The following CEP192 variants were observed in gnomAD, a reference collection of about 807,000 sequenced individuals.
CEP192 encodes the protein centrosomal protein 192.
In CEP192, 151 loss-of-function variants were observed where a neutral mutation model predicts 271.8. The ratio of observed to expected loss-of-function variants is 0.56; its 90% CI spans 0.49 to 0.64. CEP192 has a LOEUF of 0.64. Ranked by LOEUF, CEP192 falls within the 30% of genes least tolerant of loss-of-function variation. The probability of loss-of-function intolerance (pLI) is 0.00; values close to 1 mark genes in which losing one functional copy is unlikely to be tolerated. For missense variants in CEP192, 2,910 were observed against 3,020.5 expected, an observed-to-expected ratio of 0.96 and a Z score of 0.86; for synonymous variants, 995 against 1,076.5, an observed-to-expected ratio of 0.92 and a Z score of 1.48.
At chr18:13,067,998 C>A (rs755439003) in intron 22 of CEP192, 42 bp downstream of exon 22, 1 of 1,603,128 alleles carries the variant, frequency 6.2e-7, no homozygotes, top group East Asian at 2.2e-5. Context: ...ACAGAATGCA[C>A]TGATCTTATG....
chr18:13,089,700 C>A (rs2039055137), intron 33 of CEP192, 135 bp downstream of exon 33: 10 of 538,806 alleles, frequency 1.9e-5, no homozygotes, highest in Admixed American at 3.7e-5. Flanking sequence ...CACAGCCCTG[C>A]TGTATGAGTT....
intron 6 of CEP192, among the ~76,000 whole-genome samples, chr18:13,016,249 A>G (rs946952614): frequency 9.2e-5 from 14 of 152,084 alleles, no homozygotes; most frequent in Non-Finnish European, 1.9e-4. Context: ...CAGGCCTTAG[A>G]TATGGGAGGA....
In CEP192 at chr18:13,029,987, G is replaced by C; in HGVS notation, c.1375G>C (p.Glu459Gln). The C allele has an allele frequency of 1.9e-6, 3 of 1,548,614 alleles. No individual in the cohort carries two copies. Among genetic ancestry groups the C allele is most frequent in the Non-Finnish European group, 2.6e-6 (3 of 1,144,696 alleles). The stretch of plus-strand genomic sequence containing the variant: ...AACATGTGAATGTCACGAGTCCATC[G>C]AAAAGAATAAAGACAGTAAGTGGAC... ...RRTCECHESI[E>Q]KNKDKTDLPQ... Residue 459 changes from glutamate (E) to glutamine (Q), a missense_variant, in exon 10 of 45, where the codon GAA becomes CAA. Physicochemically the swap from Glu to Gln is conservative, Grantham distance 29 (BLOSUM62 2). Coordinates refer to ENST00000506447, the MANE Select transcript of CEP192 (RefSeq NM_032142.4).
chr18:13,022,995 A>C (rs574708390), intron 9 of CEP192, among the ~76,000 whole-genome samples: 7 of 152,168 alleles, frequency 4.6e-5, no homozygotes, highest in Non-Finnish European at 1.0e-4. Context: ...GTTCATTGCT[A>C]GTGTATAGGA....
chr18:13,029,201 A>G (rs1339961780), intron 9 of CEP192, among the ~76,000 whole-genome samples: 2 of 152,354 alleles, frequency 1.3e-5, no homozygotes, highest in African/African-American at 2.4e-5. Flanking sequence ...GTCTGATACA[A>G]ATTTTACTGG....
chr18:13,105,282 C>T (rs1054604500), intron 40 of CEP192, among the ~76,000 whole-genome samples: 2 of 152,188 alleles, frequency 1.3e-5, no homozygotes, highest in Non-Finnish European at 2.9e-5. Flanking sequence ...AACAAAACAG[C>T]ACACTTAGCA....
chr18:13,098,266 G>A (rs973243157), intron 36 of CEP192, among the ~76,000 whole-genome samples: 5 of 150,396 alleles, frequency 3.3e-5, no homozygotes, highest in African/African-American at 1.2e-4. Context: ...GGCTGGCCAG[G>A]CGGGGGCTGA....
chr18:13,045,107 C>A (rs1296156110), intron 15 of CEP192, among the ~76,000 whole-genome samples: 1 of 152,058 alleles, frequency 6.6e-6, no homozygotes, highest in African/African-American at 2.4e-5. Context: ...CTCTTTTGTT[C>A]ATTCTATAAT....
intron 21 of CEP192, among the ~76,000 whole-genome samples, chr18:13,066,837 C>T (rs1426249933): frequency 2.0e-5 from 3 of 152,180 alleles, no homozygotes. Context: ...AGCTCTACCA[C>T]CTTGAGCGCA....
chr18:13,061,542 A>G (rs6650617), intron 21 of CEP192, among the ~76,000 whole-genome samples: 20,574 of 152,236 alleles, frequency 0.14, 1,540 homozygotes, highest in East Asian at 0.31. Flanking sequence ...TTGATTGGAA[A>G]TGTTCTTTAT....
At chr18:13,051,614 G>A in intron 17 of CEP192, among the ~76,000 whole-genome samples, 1 of 152,068 alleles carries the variant, frequency 6.6e-6, no homozygotes, top group Non-Finnish European at 1.5e-5. Context: ...TGCAATCTCG[G>A]CTCACTGCAA....
chr18:13,007,517 T>A (rs905189467), intron 3 of CEP192, among the ~76,000 whole-genome samples: 2 of 152,174 alleles, frequency 1.3e-5, no homozygotes, highest in African/African-American at 2.4e-5. Flanking sequence ...TTATTTCCTG[T>A]CACCATCTTG....
At chr18:13,080,126 T>G (rs2038514050) in intron 30 of CEP192, among the ~76,000 whole-genome samples, 2 of 152,228 alleles carry the variant, frequency 1.3e-5, no homozygotes, top group Admixed American at 6.5e-5. Flanking sequence ...CAGTCTCTTT[T>G]TTTGGTTCCA....
chr18:12,994,312 G>A (rs1355459346), intron 1 of CEP192, among the ~76,000 whole-genome samples: 2 of 151,930 alleles, frequency 1.3e-5, no homozygotes, highest in South Asian at 2.1e-4. Context: ...TGAGGTGAAC[G>A]TCAGGAAGGA....
rs1368308161 is a variant in CEP192, at chr18:12,999,582, A to G, written c.158A>G (p.Asp53Gly). ...STLARDRSST[D>G]NRYPDIQASY... ...CTTGCTAGGGATAGATCCAGCACTG[A>G]TAACAGGTAAGATTTGTTTGAGCAG... The change falls in exon 2 of 45, where the codon GAT becomes GGT. Residue 53 changes from aspartate to glycine, a missense_variant. Asp to Gly is a moderately conservative substitution (Grantham distance 94). Transcript: ENST00000506447. 1 of 1,530,128 alleles carries G rather than the reference A, an allele frequency of 6.5e-7. No individual in the cohort carries two copies. 94.8% of individuals were successfully genotyped at this position (1,530,128 alleles called of 1,614,324 possible). A position where few individuals can be genotyped will look rare whatever the true frequency, so the allele number is the denominator to read the frequency against.
chr18:13,079,204 T>C (rs2038455592), intron 30 of CEP192, among the ~76,000 whole-genome samples: 1 of 152,220 alleles, frequency 6.6e-6, no homozygotes, highest in African/African-American at 2.4e-5. Flanking sequence ...CCTTGAGGAA[T>C]TGCCACACTC....
intron 7 of CEP192, 64 bp downstream of exon 7, chr18:13,017,400 G>T (rs1234116063): frequency 8.0e-7 from 1 of 1,250,294 alleles, no homozygotes; most frequent in Non-Finnish European, 1.1e-6. Context: ...TGGTCTCCTT[G>T]GATGTTCACA....
In CEP192 at chr18:13,113,872, G is replaced by C. The variant is rs1026953909; in HGVS notation, c.7167+167G>C. On this transcript the variant is annotated intron_variant, in intron 41 of 44. Coordinates refer to ENST00000506447, the MANE Select transcript of CEP192 (RefSeq NM_032142.4). ...TTTGAGGACTGGATTTGGCTGTATT[G>C]TTCATACAGCCCATGAAACCCATGT... Among the ~76,000 whole-genome samples, 54 of 152,054 alleles carry C rather than the reference G, an allele frequency of 3.6e-4. 1 individual carries two copies. The highest frequency in any genetic ancestry group is 1.0e-4 in the Non-Finnish European group (7 of 68,016).
chr18:13,076,268 G>A (rs1467199164), intron 30 of CEP192, among the ~76,000 whole-genome samples: 1 of 151,896 alleles, frequency 6.6e-6, no homozygotes, highest in Non-Finnish European at 1.5e-5. Context: ...TTGCTCCATC[G>A]CCAGGCGGGA....
Sources: gnomAD v4.1 joint callset for allele counts (sites outside exome capture counted in the v4.1 genomes callset) on GRCh38, gnomAD v4.1.1 for gene constraint, MANE v1.5 for transcripts, NCBI Gene and HGNC (gene_info 2026-07-23, HGNC 2026-07-21) for gene names.